Variants in NFIA observed in about 807,000 individuals in gnomAD.
The protein encoded by NFIA is nuclear factor 1 A-type.
Under a neutral mutation model 62.8 loss-of-function variants are expected in NFIA, and 8 were observed. The observed-to-expected ratio is 0.13, with a 90% CI of 0.07 to 0.23. The LOEUF is 0.23. NFIA is among the 10% of genes least tolerant of loss of function. The probability of loss-of-function intolerance (pLI) is 1.00; values close to 1 mark genes in which losing one functional copy is unlikely to be tolerated. For missense variants in NFIA, 410 were observed against 642.1 expected (o/e 0.64, Z 3.91); for synonymous variants, 235 against 238.1 (o/e 0.99, Z 0.12).
chr1:61,350,698 C>T (rs1662501434), intron 4 of NFIA, among the ~76,000 whole-genome samples: 2 of 152,168 alleles, frequency 1.3e-5, no homozygotes, highest in Non-Finnish European at 2.9e-5. Flanking sequence ...AACCATCCTT[C>T]CTCTTTCCCG....
intron 2 of NFIA, among the ~76,000 whole-genome samples, chr1:61,161,974 T>A (rs910295280): frequency 2.3e-4 from 35 of 152,270 alleles, no homozygotes; most frequent in East Asian, 7.7e-4. Flanking sequence ...ATGTAAGCAA[T>A]TTTGTAAATT....
intron 3 of NFIA, among the ~76,000 whole-genome samples, chr1:61,327,275 C>A (rs907085254): frequency 4.0e-5 from 6 of 151,396 alleles, no homozygotes; most frequent in African/African-American, 1.5e-4. Flanking sequence ...ATTTCAGTGA[C>A]CTTTGGGGTA....
chr1:61,117,552 A>T (rs1322961167), intron 2 of NFIA, among the ~76,000 whole-genome samples: 4 of 152,124 alleles, frequency 2.6e-5, no homozygotes, highest in Non-Finnish European at 5.9e-5. Flanking sequence ...TTTTTATATT[A>T]ATGTAACTAT....
At chr1:61,081,069 C>T (rs537701948), upstream of NFIA, among the ~76,000 whole-genome samples, 1 of 152,284 alleles carries the variant, frequency 6.6e-6, no homozygotes, top group South Asian at 2.1e-4. Context: ...GCAGATTCCC[C>T]TGTGTGCCAG....
chr1:61,131,218 A>G (rs1207442923), intron 2 of NFIA, among the ~76,000 whole-genome samples: 1 of 147,366 alleles, frequency 6.8e-6, no homozygotes, highest in Non-Finnish European at 1.5e-5. Flanking sequence ...TTCTTCACTG[A>G]TGCATTTTCC....
At chr1:61,083,116 C>T (rs978358411) in intron 1 of NFIA, among the ~76,000 whole-genome samples, 2 of 152,234 alleles carry the variant, frequency 1.3e-5, no homozygotes, top group Admixed American at 1.3e-4. Flanking sequence ...AATATCGGGG[C>T]GACGGACTGC....
intron 3 of NFIA, among the ~76,000 whole-genome samples, chr1:61,328,133 G>A (rs1203511785): frequency 6.7e-6 from 1 of 150,164 alleles, no homozygotes; most frequent in Non-Finnish European, 1.5e-5. Context: ...ATTTATTTGA[G>A]TTCCTTGTCA....
intron 2 of NFIA, among the ~76,000 whole-genome samples, chr1:61,134,417 G>T (rs1647141727): frequency 6.6e-6 from 1 of 152,084 alleles, no homozygotes; most frequent in Non-Finnish European, 1.5e-5. Flanking sequence ...CAGTAAATCA[G>T]TAAAAGGTGG....
At chr1:61,204,773 A>G (rs1457012475) in intron 2 of NFIA, among the ~76,000 whole-genome samples, 1 of 152,168 alleles carries the variant, frequency 6.6e-6, no homozygotes, top group Non-Finnish European at 1.5e-5. Context: ...TCTACCAGGG[A>G]TGGTGAGTTG....
intron 2 of NFIA, among the ~76,000 whole-genome samples, chr1:61,266,402 C>T (rs189074340): frequency 4.6e-5 from 7 of 150,560 alleles, no homozygotes; most frequent in South Asian, 2.1e-4. Flanking sequence ...ATTTTTGAGA[C>T]GGAGTTTCAC....
Position 61,462,114 on chromosome 1 carries a change from G to A in NFIA, c.*6794G>A, listed in dbSNP as rs1668567465. ...AGGTCATAAGGCCGCTAGCTCCGCT[G>A]GGACAGAGGCTTGAGAGAACTAACG... On this transcript the variant is annotated 3_prime_UTR_variant, in exon 11 of 11. Coordinates refer to ENST00000403491, the MANE Select transcript of NFIA (RefSeq NM_001134673.4). 1 of 140,924 alleles carries A rather than the reference G, an allele frequency of 7.1e-6. No individual in the cohort carries two copies. Among genetic ancestry groups the A allele is most frequent in the South Asian group, 2.2e-4 (1 of 4,532 alleles). 8.7% of individuals were successfully genotyped at this position (140,924 alleles called of 1,614,324 possible).
intron 2 of NFIA, among the ~76,000 whole-genome samples, chr1:61,144,431 T>C (rs936255725): frequency 1.3e-5 from 2 of 152,198 alleles, no homozygotes; most frequent in African/African-American, 2.4e-5. Flanking sequence ...CATGTGAGTG[T>C]TGGGGTCTTA....
At chr1:61,369,610 T>C (rs1264392896) in intron 6 of NFIA, among the ~76,000 whole-genome samples, 1 of 152,154 alleles carries the variant, frequency 6.6e-6, no homozygotes, top group Non-Finnish European at 1.5e-5. Flanking sequence ...AAACACAGTG[T>C]AGCTATTTTA....
intron 4 of NFIA, among the ~76,000 whole-genome samples, chr1:61,340,632 C>T (rs552943555): frequency 6.6e-6 from 1 of 152,300 alleles, no homozygotes. Flanking sequence ...GAGCCTCAGC[C>T]CCTGATCGTT....
intron 2 of NFIA, among the ~76,000 whole-genome samples, chr1:61,163,360 C>T (rs11207703): frequency 0.56 from 85,525 of 151,860 alleles, 27,505 homozygotes; most frequent in Non-Finnish European, 0.72. Flanking sequence ...TGCTTGTTAG[C>T]TGTGCCATTT....
intron 3 of NFIA, among the ~76,000 whole-genome samples, chr1:61,292,618 CAT>C (rs1208380339): frequency 6.6e-6 from 1 of 152,060 alleles, no homozygotes; most frequent in African/African-American, 2.4e-5. Flanking sequence ...GTGTTTGGGG[CAT>C]ATGGTGGAGG....
chr1:61,462,024 G>GTTTTTTGTTTTTTTTTTTTTGGT lies in NFIA; in HGVS notation c.*6710_*6711insGTTTTTTTTTTTTTGGTTTTTTT. The GTTTTTTGTTTTTTTTTTTTTGGT allele has an allele frequency of 1.4e-5, 1 of 73,206 alleles. No individual in the cohort carries two copies. The highest frequency in any genetic ancestry group is 2.5e-5 in the Non-Finnish European group (1 of 40,492). The allele number at this position is 73,206 out of a possible 1,614,324, so 4.5% of individuals were successfully genotyped here. On this transcript the variant is annotated 3_prime_UTR_variant, in exon 11 of 11. Coordinates refer to ENST00000403491, the MANE Select transcript of NFIA (RefSeq NM_001134673.4). ...ATAGTCTGTAAGTTAGCCTTTTTGG[G>GTTTTTTGTTTTTTTTTTTTTGGT]TTTTTTTTTTTTTTTTTTGGCTTTT...
chr1:61,319,790 A>AACACACACACACACAC lies in NFIA; in HGVS notation c.626-12691_626-12676dup, dbSNP rs58845526. On this transcript the variant is annotated intron_variant, in intron 3 of 10. Coordinates refer to ENST00000403491, the MANE Select transcript of NFIA (RefSeq NM_001134673.4). ...CAATGATTTCTTCCTGGAAGAATTA[A>AACACACACACACACAC]ACACACACACACACACACACACACA... is the stretch of plus-strand genomic sequence containing the variant. Among the ~76,000 whole-genome samples the AACACACACACACACAC allele has an allele frequency of 5.6e-3, 778 of 139,564 alleles. 14 individuals are homozygous for AACACACACACACACAC. The highest frequency in any genetic ancestry group is 0.02 in the African/African-American group (721 of 35,538). 91.6% of individuals were successfully genotyped at this position (139,564 alleles called of 152,430 possible).
intron 3 of NFIA, among the ~76,000 whole-genome samples, chr1:61,310,858 T>C (rs1660070057): frequency 6.7e-6 from 1 of 149,738 alleles, no homozygotes; most frequent in Non-Finnish European, 1.5e-5. Context: ...CTCTGCGCTT[T>C]TGTTGCCCCT....
Sources: allele counts gnomAD v4.1 joint callset (sites outside exome capture counted in the v4.1 genomes callset), GRCh38; gene constraint gnomAD v4.1.1; transcripts MANE v1.5; gene names NCBI Gene and HGNC (gene_info 2026-07-23, HGNC 2026-07-21).